Variants in OXR1 observed in about 807,000 individuals in gnomAD.
The protein encoded by OXR1 is oxidation resistance 1.
In OXR1, 41 loss-of-function variants were observed where a neutral mutation model predicts 104.6. The observed-to-expected ratio is 0.39, with a 90% CI of 0.31 to 0.51. OXR1 has a LOEUF of 0.51. Ranked by LOEUF, OXR1 falls within the 20% of genes least tolerant of loss-of-function variation. OXR1 has a pLI of 0.77. For missense variants in OXR1, 955 were observed against 1,031.9 expected (o/e 0.93, Z 1.02); for synonymous variants, 348 against 348.4 (o/e 1.00, Z 0.01).
chr8:106,660,408 C>T (rs551035066), intron 3 of OXR1, among the ~76,000 whole-genome samples: 1 of 152,316 alleles, frequency 6.6e-6, no homozygotes. Flanking sequence ...TTCTTAATAG[C>T]TGCTTAAGTT....
At chr8:106,522,315 T>A (rs557888003) in intron 3 of OXR1, among the ~76,000 whole-genome samples, 1 of 152,328 alleles carries the variant, frequency 6.6e-6, no homozygotes, top group African/African-American at 2.4e-5. Flanking sequence ...ATGCACATGC[T>A]CCTGTATACT....
intron 2 of OXR1, among the ~76,000 whole-genome samples, chr8:106,430,823 C>T (rs573136893): frequency 3.0e-4 from 45 of 152,254 alleles, no homozygotes; most frequent in Middle Eastern, 3.4e-3. Context: ...TTTAGTCTAT[C>T]TTATGGACTA....
chr8:106,744,652 T>C (rs1587318542), intron 15 of OXR1, among the ~76,000 whole-genome samples: 1 of 152,208 alleles, frequency 6.6e-6, no homozygotes, highest in African/African-American at 2.4e-5. Context: ...CTAACACAAA[T>C]TGAATACATT....
At chr8:106,365,442 A>G (rs1189492680) in intron 2 of OXR1, among the ~76,000 whole-genome samples, 1 of 151,934 alleles carries the variant, frequency 6.6e-6, no homozygotes, top group African/African-American at 2.4e-5. Context: ...AAAAAAAAAA[A>G]AGAATAGAAT....
chr8:106,560,250 C>A (rs1368065869), intron 3 of OXR1, among the ~76,000 whole-genome samples: 1 of 152,152 alleles, frequency 6.6e-6, no homozygotes, highest in Non-Finnish European at 1.5e-5. Context: ...TAAAAGGGCA[C>A]TAACCTGGAT....
chr8:106,629,517 T>G (rs1167715757), intron 3 of OXR1, among the ~76,000 whole-genome samples: 1 of 152,214 alleles, frequency 6.6e-6, no homozygotes, highest in Non-Finnish European at 1.5e-5. Flanking sequence ...ATGGCATAAC[T>G]GACAAAGTAA....
rs144119144 is a variant in OXR1, at chr8:106,601,093, G to C, written c.221-78117G>C. 4.1e-4 allele frequency among the ~76,000 whole-genome samples: 62 copies of C among 152,278 alleles called. No homozygotes were observed. In the East Asian group the frequency reaches 0.011, roughly 28 times the overall value. On this transcript the variant is annotated intron_variant, in intron 3 of 16. Transcript: ENST00000517566. The stretch of plus-strand genomic sequence containing the variant: ...GAGTATTGTAAGAAAATAGTGAGAA[G>C]CCACTGAAGGATTTTAAGCAGAATA...
chr8:106,521,951 A>G (rs1180751912), intron 3 of OXR1, among the ~76,000 whole-genome samples: 2 of 152,188 alleles, frequency 1.3e-5, no homozygotes, highest in Non-Finnish European at 2.9e-5. Flanking sequence ...ATATTTTTCA[A>G]TATCTCAGTT....
chr8:106,487,461 T>C (rs1810758812), intron 2 of OXR1, among the ~76,000 whole-genome samples: 1 of 151,724 alleles, frequency 6.6e-6, no homozygotes, highest in Non-Finnish European at 1.5e-5. Context: ...TTAGGGTACA[T>C]GTGCACATTG....
At chr8:106,747,117 A>G (rs1264648443) in intron 16 of OXR1, among the ~76,000 whole-genome samples, 2 of 152,192 alleles carry the variant, frequency 1.3e-5, no homozygotes, top group East Asian at 3.8e-4. Flanking sequence ...AAAGCACCCC[A>G]AAAGAAAAAT....
intron 2 of OXR1, chr8:106,447,800 C>T: frequency 1.0e-6 from 1 of 994,002 alleles, no homozygotes; most frequent in Non-Finnish European, 1.4e-6. Context: ...CACCGAACGG[C>T]ATATTCTTTG....
chr8:106,471,221 C>G (rs1821475536), intron 2 of OXR1, among the ~76,000 whole-genome samples: 1 of 151,292 alleles, frequency 6.6e-6, no homozygotes, highest in African/African-American at 2.4e-5. Flanking sequence ...ATTATTAGAG[C>G]AATGGGCTTG....
intron 3 of OXR1, among the ~76,000 whole-genome samples, chr8:106,676,818 TATTA>T (rs1043425778): frequency 8.5e-5 from 13 of 152,100 alleles, no homozygotes; most frequent in Non-Finnish European, 1.5e-4. Context: ...AACATTTTAA[TATTA>T]ATTATTAAAA....
chr8:106,625,816 A>AGTGAGC (rs1822102681), intron 3 of OXR1, among the ~76,000 whole-genome samples: 1 of 152,184 alleles, frequency 6.6e-6, no homozygotes, highest in East Asian at 1.9e-4. Context: ...AATTCAAAGA[A>AGTGAGC]GTGAGCTATA....
chr8:106,737,711 A>C (rs2131558246), intron 12 of OXR1, 111 bp downstream of exon 12: 1 of 412,942 alleles, frequency 2.4e-6, no homozygotes, highest in Non-Finnish European at 4.2e-6. Context: ...GCAGCACTAA[A>C]ATTAAATTCC....
chr8:106,502,612 C>T (rs1397237048), intron 2 of OXR1, among the ~76,000 whole-genome samples: 2 of 152,076 alleles, frequency 1.3e-5, no homozygotes, highest in Non-Finnish European at 2.9e-5. Flanking sequence ...ATTAGATTCA[C>T]CTATAATTTT....
chr8:106,471,143 C>T (rs1821470514), intron 2 of OXR1, among the ~76,000 whole-genome samples: 1 of 151,200 alleles, frequency 6.6e-6, no homozygotes, highest in Non-Finnish European at 1.5e-5. Flanking sequence ...GTAAAAACAG[C>T]ATGTTTATAT....
chr8:106,474,308 T>C lies in OXR1; in HGVS notation c.24-44635T>C, dbSNP rs183160956. Among the ~76,000 whole-genome samples, 361 of 151,764 alleles carry C rather than the reference T, an allele frequency of 2.4e-3. 1 individual carries two copies. The highest frequency in any genetic ancestry group is 3.6e-3 in the Non-Finnish European group (247 of 67,812). ...TTATGGTAATCTAAAGAAGCACATT[T>C]TAAAGAGATGCCTATGTACATTCAA... is the stretch of plus-strand genomic sequence containing the variant. On this transcript the variant is annotated intron_variant, in intron 2 of 16. Coordinates refer to ENST00000517566, the MANE Select transcript of OXR1 (RefSeq NM_001198533.2).
At chr8:106,513,338 C>T (rs1466013614) in intron 2 of OXR1, among the ~76,000 whole-genome samples, 3 of 151,994 alleles carry the variant, frequency 2.0e-5, no homozygotes, top group Non-Finnish European at 4.4e-5. Context: ...CTTGTCCTTA[C>T]TTTTTCATGG....
Sources: allele counts gnomAD v4.1 joint callset (sites outside exome capture counted in the v4.1 genomes callset), GRCh38; gene constraint gnomAD v4.1.1; transcripts MANE v1.5; gene names NCBI Gene and HGNC (gene_info 2026-07-23, HGNC 2026-07-21).